The following WDR70 variants were observed in gnomAD, a reference collection of about 807,000 sequenced individuals.
WDR70 encodes the protein WD repeat domain 70, also known as WD repeat-containing protein 70.
WDR70 carries 53 observed loss-of-function variants against 88.6 expected under a neutral mutation model. That is an observed-to-expected ratio of 0.60 (90% CI 0.48 to 0.75). WDR70 has a LOEUF of 0.75. Ranked by LOEUF, WDR70 falls within the 30% of genes least tolerant of loss-of-function variation. WDR70 has a pLI of 0.00. For missense variants in WDR70, 610 were observed against 823.2 expected (o/e 0.74, Z 3.17); for synonymous variants, 280 against 270.0 (o/e 1.04, Z -0.36).
intron 9 of WDR70, among the ~76,000 whole-genome samples, chr5:37,543,755 T>C (rs1246203118): frequency 1.3e-5 from 2 of 152,166 alleles, no homozygotes; most frequent in Non-Finnish European, 2.9e-5. Flanking sequence ...TTATAGTTTG[T>C]TGCACTCTAT....
rs565172145 is a variant in WDR70 at position 37,476,521 on chromosome 5, A to G, written c.687-3313A>G. ...TCCTGTGAATACTATTGTGAATACT[A>G]TCTACAATGTTTTATTGTTTCTTTT... On this transcript the variant is annotated intron_variant, in intron 7 of 17. Transcript: ENST00000265107. 7.9e-5 allele frequency among the ~76,000 whole-genome samples: 12 copies of G among 151,498 alleles called. No homozygotes were observed. The South Asian group carries it at 1.9e-3, about 24-fold the overall frequency.
chr5:37,690,378 G>C (rs1746752331), intron 10 of WDR70, among the ~76,000 whole-genome samples: 1 of 152,076 alleles, frequency 6.6e-6, no homozygotes. Context: ...GATACTCCTC[G>C]AGAAGAGCAA....
At chr5:37,536,268 A>C (rs1741665256) in intron 9 of WDR70, among the ~76,000 whole-genome samples, 1 of 152,242 alleles carries the variant, frequency 6.6e-6, no homozygotes, top group Non-Finnish European at 1.5e-5. Flanking sequence ...AATTGAAAAT[A>C]GCCATCAAAT....
At chr5:37,686,505 A>G (rs1250399146) in intron 10 of WDR70, among the ~76,000 whole-genome samples, 1 of 151,080 alleles carries the variant, frequency 6.6e-6, no homozygotes, top group Non-Finnish European at 1.5e-5. Flanking sequence ...AGGCGGGAAG[A>G]TCGCTTGAGC....
At chr5:37,740,379 A>G (rs944994570) in intron 17 of WDR70, among the ~76,000 whole-genome samples, 2 of 152,372 alleles carry the variant, frequency 1.3e-5, no homozygotes, top group African/African-American at 2.4e-5. Flanking sequence ...AAGAATAGCT[A>G]CAATGTTTAA....
At chr5:37,641,022 T>A (rs1441346716) in intron 10 of WDR70, among the ~76,000 whole-genome samples, 2 of 152,226 alleles carry the variant, frequency 1.3e-5, no homozygotes, top group Non-Finnish European at 2.9e-5. Flanking sequence ...AGAAAACTGC[T>A]GTGGGTCTTT....
intron 8 of WDR70, among the ~76,000 whole-genome samples, chr5:37,499,589 C>CTCTCTCTCTCTCTCTTTT (rs1561876782): frequency 0.055 from 887 of 16,046 alleles, 29 homozygotes; most frequent in East Asian, 0.11. Flanking sequence ...TGGAAATATT[C>CTCTCTCTCTCTCTCTTTT]TCTCTCTCTC....
At chr5:37,563,764 C>T (rs1244076318) in intron 9 of WDR70, among the ~76,000 whole-genome samples, 2 of 134,608 alleles carry the variant, frequency 1.5e-5, no homozygotes, top group Admixed American at 1.5e-4. Flanking sequence ...TCCTCACGTC[C>T]CAGACGGAGT....
At chr5:37,392,210 G>A (rs1457684263) in intron 4 of WDR70, 90 bp downstream of exon 4, 1 of 1,424,796 alleles carries the variant, frequency 7.0e-7, no homozygotes, top group Non-Finnish European at 9.5e-7. Context: ...TTTTGAGATG[G>A]AGTCTTGCTC....
intron 8 of WDR70, among the ~76,000 whole-genome samples, chr5:37,492,826 A>ATCCT (rs1740105267): frequency 6.6e-6 from 1 of 152,242 alleles, no homozygotes; most frequent in African/African-American, 2.4e-5. Flanking sequence ...TTAGCCTATC[A>ATCCT]AGATGACAAA....
chr5:37,422,547 T>C (rs190519550), intron 5 of WDR70, among the ~76,000 whole-genome samples: 1 of 152,158 alleles, frequency 6.6e-6, no homozygotes, highest in African/African-American at 2.4e-5. Flanking sequence ...GCGCGATCTC[T>C]GCTCCCTGCA....
chr5:37,386,940 A>T (rs1229043791), intron 3 of WDR70, among the ~76,000 whole-genome samples: 1 of 152,042 alleles, frequency 6.6e-6, no homozygotes, highest in Non-Finnish European at 1.5e-5. Context: ...TCTACTAAAG[A>T]TACAAAAATT....
intron 3 of WDR70, among the ~76,000 whole-genome samples, chr5:37,389,504 G>A (rs1184881152): frequency 6.6e-6 from 1 of 151,824 alleles, no homozygotes; most frequent in Non-Finnish European, 1.5e-5. Context: ...TCTGCCTCCC[G>A]GGTTCACACC....
intron 8 of WDR70, among the ~76,000 whole-genome samples, chr5:37,487,627 ATTTTT>A (rs70978825): frequency 1.6e-3 from 107 of 69,032 alleles, no homozygotes; most frequent in Non-Finnish European, 2.6e-3. Flanking sequence ...ATATATATGT[ATTTTT>A]TTTTTTTTTT....
At chr5:37,673,891 G>A (rs1353733527) in intron 10 of WDR70, among the ~76,000 whole-genome samples, 1 of 151,996 alleles carries the variant, frequency 6.6e-6, no homozygotes, top group Admixed American at 6.6e-5. Context: ...TCCTGCGTTA[G>A]TTTGCTAAGG....
chr5:37,530,238 A>G (rs1741439771), intron 9 of WDR70, among the ~76,000 whole-genome samples: 1 of 151,426 alleles, frequency 6.6e-6, no homozygotes, highest in Non-Finnish European at 1.5e-5. Flanking sequence ...TAGGGTTTTT[A>G]CATCTCAGGG....
At chr5:37,616,514 T>C (rs959586926) in intron 10 of WDR70, among the ~76,000 whole-genome samples, 5 of 152,242 alleles carry the variant, frequency 3.3e-5, no homozygotes, top group Middle Eastern at 3.4e-3. Context: ...CTCCACCCTA[T>C]ATGCCTCTCC....
At chr5:37,646,680 A>G (rs1745248126) in intron 10 of WDR70, among the ~76,000 whole-genome samples, 1 of 152,110 alleles carries the variant, frequency 6.6e-6, no homozygotes, top group African/African-American at 2.4e-5. Flanking sequence ...TTTAAATGTC[A>G]TGCCACTCTC....
chr5:37,608,730 T>C (rs531411033), intron 10 of WDR70, among the ~76,000 whole-genome samples: 1 of 152,050 alleles, frequency 6.6e-6, no homozygotes, highest in Non-Finnish European at 1.5e-5. Flanking sequence ...GCTAATTTTC[T>C]TGTTTTTTAT....
Sources: gnomAD v4.1 joint callset for allele counts (sites outside exome capture counted in the v4.1 genomes callset) on GRCh38, gnomAD v4.1.1 for gene constraint, MANE v1.5 for transcripts, NCBI Gene and HGNC (gene_info 2026-07-23, HGNC 2026-07-21) for gene names.